NLGN1: variants seen among roughly 807,000 people sequenced by gnomAD.
NLGN1 encodes neuroligin 1.
In NLGN1, 12 loss-of-function variants were observed where a neutral mutation model predicts 65.5. The ratio of observed to expected loss-of-function variants is 0.18; its 90% CI spans 0.12 to 0.30. NLGN1 has a LOEUF of 0.30. NLGN1 is among the 10% of genes least tolerant of loss of function. The pLI, the probability that NLGN1 is intolerant of heterozygous loss-of-function variation, is 1.00. For synonymous variants in NLGN1, 350 were observed against 359.5 expected, an observed-to-expected ratio of 0.97 and a Z score of 0.30; for missense variants, 750 against 1,007.1, an observed-to-expected ratio of 0.74 and a Z score of 3.46.
intron 4 of NLGN1, among the ~76,000 whole-genome samples, chr3:174,024,857 G>T (rs1248135424): frequency 2.6e-5 from 4 of 152,130 alleles, no homozygotes; most frequent in Non-Finnish European, 5.9e-5. Context: ...TTTGGGATTT[G>T]TGGCATCTTT....
intron 2 of NLGN1, among the ~76,000 whole-genome samples, chr3:173,597,188 C>A (rs1156349648): frequency 6.6e-6 from 1 of 152,184 alleles, no homozygotes; most frequent in Non-Finnish European, 1.5e-5. Flanking sequence ...AGAGCACAAA[C>A]TCCTGTGTCA....
chr3:173,555,897 T>A (rs2149278406), intron 2 of NLGN1, among the ~76,000 whole-genome samples: 1 of 152,356 alleles, frequency 6.6e-6, no homozygotes, highest in South Asian at 2.1e-4. Flanking sequence ...TCCTTGAATG[T>A]TTGAAAATTC....
chr3:173,735,086 A>G (rs1366705828), intron 3 of NLGN1, among the ~76,000 whole-genome samples: 1 of 152,108 alleles, frequency 6.6e-6, no homozygotes, highest in African/African-American at 2.4e-5. Flanking sequence ...AAGGGAATGA[A>G]CTTCAGTTGC....
intron 4 of NLGN1, among the ~76,000 whole-genome samples, chr3:174,010,527 A>G (rs796178431): frequency 3.3e-5 from 5 of 152,310 alleles, no homozygotes; most frequent in African/African-American, 1.2e-4. Flanking sequence ...TAAGGCATCT[A>G]TGCTTAATAT....
At chr3:173,506,007 G>C (rs1237053000) in intron 2 of NLGN1, among the ~76,000 whole-genome samples, 1 of 151,972 alleles carries the variant, frequency 6.6e-6, no homozygotes, top group African/African-American at 2.4e-5. Flanking sequence ...AAAACCACTA[G>C]CATATAGTTG....
chr3:173,967,326 C>T (rs1225699224), intron 4 of NLGN1, among the ~76,000 whole-genome samples: 1 of 152,190 alleles, frequency 6.6e-6, no homozygotes, highest in Non-Finnish European at 1.5e-5. Flanking sequence ...CTTCAAGTGA[C>T]TGTGCTACGC....
intron 2 of NLGN1, among the ~76,000 whole-genome samples, chr3:173,580,397 T>C (rs952598166): frequency 2.6e-5 from 4 of 152,092 alleles, no homozygotes; most frequent in African/African-American, 9.6e-5. Flanking sequence ...TTTCCATTAT[T>C]ATTATTCATA....
At chr3:174,174,069 A>T (rs777121660) in intron 4 of NLGN1, among the ~76,000 whole-genome samples, 13 of 152,070 alleles carry the variant, frequency 8.5e-5, no homozygotes, top group Non-Finnish European at 1.9e-4. Context: ...GAGTGAGAAC[A>T]TATGATGTTT....
At chr3:174,286,634 A>G (rs1752152364) in exon 7 of NLGN1, 2 of 151,616 alleles carry the variant, frequency 1.3e-5, no homozygotes, top group Admixed American at 6.6e-5. Flanking sequence ...AAATATTACC[A>G]TGTTTTCCAA....
At chr3:173,898,097 ATTTC>A (rs1174209227) in intron 4 of NLGN1, among the ~76,000 whole-genome samples, 1 of 152,180 alleles carries the variant, frequency 6.6e-6, no homozygotes, top group Non-Finnish European at 1.5e-5. Flanking sequence ...ATAAATGGTA[ATTTC>A]TTTACTTAGG....
intron 4 of NLGN1, among the ~76,000 whole-genome samples, chr3:173,886,050 A>AG (rs1456830653): frequency 6.6e-6 from 1 of 152,078 alleles, no homozygotes; most frequent in African/African-American, 2.4e-5. Context: ...CCAAACACCT[A>AG]GGGGCCCATC....
At chr3:173,451,834 C>T (rs982729794) in intron 2 of NLGN1, among the ~76,000 whole-genome samples, 1 of 152,202 alleles carries the variant, frequency 6.6e-6, no homozygotes, top group Admixed American at 6.5e-5. Context: ...GAGCAAGGCT[C>T]CGTGGGCGTA....
At chr3:173,970,716 T>C (rs992775432) in intron 4 of NLGN1, among the ~76,000 whole-genome samples, 2 of 152,148 alleles carry the variant, frequency 1.3e-5, no homozygotes, top group Non-Finnish European at 2.9e-5. Context: ...GTTGTGTGAC[T>C]TGTGCATGTT....
intron 3 of NLGN1, among the ~76,000 whole-genome samples, chr3:173,610,903 G>A (rs942196273): frequency 4.6e-5 from 7 of 151,920 alleles, no homozygotes; most frequent in African/African-American, 1.7e-4. Context: ...TTTTGTTACG[G>A]TAGGTTAAGA....
intron 3 of NLGN1, among the ~76,000 whole-genome samples, chr3:173,652,470 CATT>C (rs1368804393): frequency 6.6e-6 from 1 of 152,100 alleles, no homozygotes; most frequent in Non-Finnish European, 1.5e-5. Context: ...GGTCCAGTTT[CATT>C]ATTCTACATA....
intron 4 of NLGN1, among the ~76,000 whole-genome samples, chr3:174,043,353 A>G (rs1257704383): frequency 2.0e-5 from 3 of 152,170 alleles, no homozygotes; most frequent in Non-Finnish European, 4.4e-5. Flanking sequence ...GCACTAACTC[A>G]AAAGTCCAAG....
At chr3:173,561,350 T>A (rs1490772863) in intron 2 of NLGN1, among the ~76,000 whole-genome samples, 1 of 152,212 alleles carries the variant, frequency 6.6e-6, no homozygotes, top group Admixed American at 6.5e-5. Context: ...TGATGTTGAC[T>A]TCTAGCGTCT....
chr3:173,794,909 T>C (rs971450943), intron 3 of NLGN1, among the ~76,000 whole-genome samples: 36 of 152,144 alleles, frequency 2.4e-4, no homozygotes, highest in African/African-American at 8.0e-4. Flanking sequence ...CTCTTCTCAG[T>C]GTACTAGAGC....
intron 2 of NLGN1, among the ~76,000 whole-genome samples, chr3:173,539,762 T>TATAG (rs1260003086): frequency 2.2e-4 from 23 of 105,960 alleles, no homozygotes; most frequent in East Asian, 6.2e-4. Flanking sequence ...AACATATACA[T>TATAG]GTACATATAT....
Sources: allele counts gnomAD v4.1 joint callset (sites outside exome capture counted in the v4.1 genomes callset), GRCh38; gene constraint gnomAD v4.1.1; transcripts MANE v1.5; gene names NCBI Gene and HGNC (gene_info 2026-07-23, HGNC 2026-07-21).